LPCAT1: variants seen among roughly 807,000 people sequenced by gnomAD.
LPCAT1 encodes the protein lysophosphatidylcholine acyltransferase 1, also known as 1-acylglycerol-3-phosphate O-acyltransferase.
LPCAT1 carries 23 observed loss-of-function variants against 60.9 expected under a neutral mutation model. The ratio of observed to expected loss-of-function variants is 0.38; its 90% CI spans 0.27 to 0.53. The LOEUF (loss-of-function observed/expected upper bound fraction) is 0.53, where lower values mean the gene tolerates loss of function less well. Among genes scored for constraint, LPCAT1 ranks in the 20% least tolerant of loss-of-function variants. The probability of loss-of-function intolerance (pLI) is 0.82; values close to 1 mark genes in which losing one functional copy is unlikely to be tolerated. For synonymous variants in LPCAT1, 340 were observed against 301.1 expected (o/e 1.13, Z -1.34); for missense variants, 622 against 723.6 (o/e 0.86, Z 1.61).
At chr5:1,469,245 ACCT>A (rs1326629585) in intron 12 of LPCAT1, among the ~76,000 whole-genome samples, 1 of 151,664 alleles carries the variant, frequency 6.6e-6, no homozygotes, top group Non-Finnish European at 1.5e-5. Context: ...CCTGAGAAAG[ACCT>A]CCTAGTGGCA....
At chr5:1,500,561 G>A (rs549819870) in intron 2 of LPCAT1, among the ~76,000 whole-genome samples, 3 of 152,250 alleles carry the variant, frequency 2.0e-5, no homozygotes, top group South Asian at 4.2e-4. Context: ...CCAGGCCAAC[G>A]TTGGCTGACA....
At chr5:1,463,865 G>C (rs950372394) in intron 13 of LPCAT1, 30 bp from the exon 14 acceptor site, 2 of 1,607,914 alleles carry the variant, frequency 1.2e-6, no homozygotes, top group African/African-American at 2.7e-5. Context: ...TGTGGTTATG[G>C]AATGGGGACG....
Position 1,523,753 on chromosome 5 carries a change from G to A in LPCAT1, c.92C>T (p.Pro31Leu), listed in dbSNP as rs1184734531. The A allele has an allele frequency of 3.4e-6, 4 of 1,171,972 alleles. No individual in the cohort carries two copies. Among genetic ancestry groups the A allele is most frequent in the Non-Finnish European group, 4.2e-6 (4 of 942,998 alleles). 72.6% of individuals were successfully genotyped at this position (1,171,972 alleles called of 1,614,324 possible). The change falls in exon 1 of 14, where the codon CCC becomes CTC. Residue 31 changes from proline (P) to leucine (L), a missense_variant. Transcript: ENST00000283415. The surrounding 1 kb of genome is among the most constrained non-coding windows in gnomAD (Gnocchi z 7.1). ...GCTGAGGCGCAGCTCGTGCACGAAG[G>A]GGTTCCGCCCCGGGGGCGCCAGCAG... ...ARLLAPPGRN[P>L]FVHELRLSAL...
chr5:1,476,532 C>A lies in LPCAT1; in HGVS notation c.899+872G>T, dbSNP rs138041086. ...TTCCCCTCTGGGCTCTCTGGAGAGG[C>A]GAGTTCCCAGCCATGCCCCGACCTG... On this transcript the variant is annotated intron_variant, in intron 9 of 13. Coordinates refer to ENST00000283415, the MANE Select transcript of LPCAT1 (RefSeq NM_024830.5). This position sits in a 1 kb window ranked among gnomAD's most constrained non-coding sequence, Gnocchi z 8.6. 3.3e-5 allele frequency among the ~76,000 whole-genome samples: 5 copies of A among 152,054 alleles called. No homozygotes were observed. The highest frequency in any genetic ancestry group is 1.9e-4 in the East Asian group (1 of 5,192).
chr5:1,464,660 A>C (rs1369715748), intron 13 of LPCAT1, among the ~76,000 whole-genome samples: 44 of 145,096 alleles, frequency 3.0e-4, no homozygotes, highest in African/African-American at 1.0e-3. Flanking sequence ...CACACACACA[A>C]AAGCACGCAC....
intron 4 of LPCAT1, 63 bp downstream of exon 4, chr5:1,489,683 C>G (rs1030299050): frequency 5.5e-5 from 68 of 1,228,154 alleles, no homozygotes; most frequent in African/African-American, 2.4e-4. Context: ...TTTCTCCCCA[C>G]TCGCGAAGTT....
intron 1 of LPCAT1, among the ~76,000 whole-genome samples, chr5:1,518,210 G>A (rs558361723): frequency 1.2e-4 from 19 of 152,160 alleles, no homozygotes; most frequent in Non-Finnish European, 2.4e-4. Flanking sequence ...CTGGCTGGAC[G>A]CCTTCCAGAG....
At chr5:1,474,737 C>T in intron 9 of LPCAT1, 52 bp from the exon 10 acceptor site, 1 of 1,567,524 alleles carries the variant, frequency 6.4e-7, no homozygotes, top group Admixed American at 1.8e-5. Context: ...AGCCAGTTCC[C>T]ACCGCCCCAC....
At chr5:1,468,172 C>A (rs4975648) in intron 12 of LPCAT1, among the ~76,000 whole-genome samples, 62,357 of 152,026 alleles carry the variant, frequency 0.41, 13,162 homozygotes, top group South Asian at 0.51. Context: ...ACCCCATGGA[C>A]CGGGTCTGCT....
Position 1,480,865 on chromosome 5 carries a change from T to A in LPCAT1, c.761+77A>T, listed in dbSNP as rs1285828877. The A allele has an allele frequency of 6.5e-7, 1 of 1,544,054 alleles. No homozygotes were observed. Among genetic ancestry groups the A allele is most frequent in the Non-Finnish European group, 9.0e-7 (1 of 1,116,988 alleles). ...TTCACAACTGCAAAAGTAACTAGCG[T>A]GCACAGCAGACCCCAAGCAGCCCCT... On this transcript the variant is annotated intron_variant, in intron 7 of 13. Coordinates refer to ENST00000283415, the MANE Select transcript of LPCAT1 (RefSeq NM_024830.5). This position sits in a 1 kb window ranked among gnomAD's most constrained non-coding sequence, Gnocchi z 6.4.
At chr5:1,494,623 T>C in intron 3 of LPCAT1, 77 bp downstream of exon 3, 1 of 1,370,306 alleles carries the variant, frequency 7.3e-7, no homozygotes. Flanking sequence ...GGGGAATCTC[T>C]TATTCTCAGC....
intron 5 of LPCAT1, among the ~76,000 whole-genome samples, chr5:1,485,568 G>C (rs1206830224): frequency 6.6e-6 from 1 of 152,210 alleles, no homozygotes; most frequent in African/African-American, 2.4e-5. Context: ...CTGGAAGATG[G>C]CTCAACAGGG....
intron 12 of LPCAT1, among the ~76,000 whole-genome samples, chr5:1,469,224 C>T (rs545610596): frequency 2.0e-5 from 3 of 152,242 alleles, no homozygotes; most frequent in South Asian, 2.1e-4. Context: ...CCTCACCCAT[C>T]GCCTGGTTCA....
Position 1,485,819 on chromosome 5 carries a change from AG to A in LPCAT1, c.668-2334del, listed in dbSNP as rs370080721. 1.4e-3 allele frequency among the ~76,000 whole-genome samples: 216 copies of A among 152,124 alleles called. 3 individuals carry two copies. The highest frequency in any genetic ancestry group is 4.9e-3 in the African/African-American group (202 of 41,510). On this transcript the variant is annotated intron_variant, in intron 5 of 13. Transcript: ENST00000283415. ...TGCTCACAGCCCGTGCAGGGAGGCC[AG>A]GGACAGCCACATCCATGTCTGTTCA... is the stretch of plus-strand genomic sequence containing the variant.
At chr5:1,507,008 C>A (rs961769214) in intron 1 of LPCAT1, among the ~76,000 whole-genome samples, 7 of 152,186 alleles carry the variant, frequency 4.6e-5, no homozygotes, top group African/African-American at 9.7e-5. Context: ...CACTGCAAGT[C>A]GTGGACAGGG....
rs932712573 is a variant in LPCAT1 at position 1,474,745 on chromosome 5, C to A, written c.900-60G>T. ...TCGTGGCAGCCAGTTCCCACCGCCC[C>A]ACCAGAATAACCGCCGATGGCTCAG... On this transcript the variant is annotated intron_variant, in intron 9 of 13. Coordinates refer to ENST00000283415, the MANE Select transcript of LPCAT1 (RefSeq NM_024830.5). The A allele has an allele frequency of 3.2e-6, 5 of 1,560,200 alleles. No homozygotes were observed. The South Asian group carries it at 4.6e-5, about 14-fold the overall frequency.
chr5:1,500,645 G>T (rs538586382), intron 2 of LPCAT1, among the ~76,000 whole-genome samples: 35 of 152,360 alleles, frequency 2.3e-4, no homozygotes, highest in African/African-American at 8.4e-4. Flanking sequence ...CCAGCCAGTT[G>T]CTGGCCCTGG....
At position 1,521,907 on chromosome 5, in the gene LPCAT1, C is replaced by A. The variant is rs1561000067; in HGVS notation, c.135+1803G>T. On this transcript the variant is annotated intron_variant, in intron 1 of 13. Coordinates refer to ENST00000283415, the MANE Select transcript of LPCAT1 (RefSeq NM_024830.5). This position sits in a 1 kb window ranked among gnomAD's most constrained non-coding sequence, Gnocchi z 4.3. Reference sequence around the variant, plus strand: ...GACATCTGTACCTACCCATGAGAGTCTCTGCCCTGCTTCTCGCCAGGGCAG... The same window carrying A: ...GACATCTGTACCTACCCATGAGAGTATCTGCCCTGCTTCTCGCCAGGGCAG... 1.3e-5 allele frequency among the ~76,000 whole-genome samples: 2 copies of A among 152,232 alleles called. No individual in the cohort carries two copies. Among genetic ancestry groups the A allele is most frequent in the Non-Finnish European group, 2.9e-5 (2 of 68,038 alleles).
intron 1 of LPCAT1, among the ~76,000 whole-genome samples, chr5:1,503,180 C>T (rs1164324401): frequency 2.6e-5 from 4 of 152,168 alleles, no homozygotes; most frequent in East Asian, 1.9e-4. Context: ...TCCCCTTCCC[C>T]GCTTCTGGGG....
Sources: allele counts gnomAD v4.1 joint callset (sites outside exome capture counted in the v4.1 genomes callset), GRCh38; gene constraint gnomAD v4.1.1; non-coding constraint Gnocchi (gnomAD v3.1); transcripts MANE v1.5; gene names NCBI Gene and HGNC (gene_info 2026-07-23, HGNC 2026-07-21).